BROX: variants seen among roughly 807,000 people sequenced by gnomAD.
BROX encodes BRO1 domain and CAAX motif containing, also known as BRO1 domain-containing protein BROX.
In BROX, 53 loss-of-function variants were observed where a neutral mutation model predicts 61.0. The observed-to-expected ratio is 0.87, with a 90% confidence interval of 0.70 to 1.09. The LOEUF is 1.09. BROX is among the 50% of genes least tolerant of loss of function. The pLI is 0.00. For missense variants in BROX, 489 were observed against 472.0 expected (o/e 1.04, Z -0.33); for synonymous variants, 152 against 160.2 (o/e 0.95, Z 0.38).
At chr1:222,728,648 C>A in intron 8 of BROX, 95 bp from the exon 9 acceptor site, 4 of 689,118 alleles carry the variant, frequency 5.8e-6, no homozygotes, top group Admixed American at 5.5e-5. Context: ...ACTTGAATGG[C>A]ATTCTTTCTG....
At chr1:222,722,938 T>C (rs1305979576) in intron 5 of BROX, among the ~76,000 whole-genome samples, 1 of 152,146 alleles carries the variant, frequency 6.6e-6, no homozygotes, top group Non-Finnish European at 1.5e-5. Context: ...AACAGGCAAT[T>C]CACAGAAAAC....
In BROX at chr1:222,726,239, G is replaced by C. The variant is rs1207724996; in HGVS notation, c.580+684G>C. Among the ~76,000 whole-genome samples, 5 of 152,248 alleles carry C rather than the reference G, an allele frequency of 3.3e-5. No homozygotes were observed. In the East Asian group the frequency reaches 7.7e-4, roughly 24 times the overall value. ...CGTGAAACAATTAAGAAACTTTGTA[G>C]GCTTTCGTTTTTCTTTATTTCAAAC... On this transcript the variant is annotated intron_variant, in intron 7 of 12. Coordinates refer to ENST00000340934, the MANE Select transcript of BROX (RefSeq NM_144695.4).
intron 8 of BROX, among the ~76,000 whole-genome samples, chr1:222,728,386 T>A (rs1657671959): frequency 4.6e-5 from 7 of 152,144 alleles, no homozygotes; most frequent in Admixed American, 4.6e-4. Flanking sequence ...CTGATTTGAG[T>A]GACTAGACTA....
intron 4 of BROX, 31 bp downstream of exon 4, chr1:222,719,390 A>T: frequency 1.3e-6 from 2 of 1,500,580 alleles, no homozygotes; most frequent in Non-Finnish European, 1.9e-6. Flanking sequence ...ACTAAATTGG[A>T]GCCAGTTTTT....
chr1:222,713,908 C>T (rs1656306884), intron 1 of BROX: 2 of 152,178 alleles, frequency 1.3e-5, no homozygotes, highest in South Asian at 2.1e-4. Flanking sequence ...GTTGGGTACA[C>T]ACTGTATTCT....
rs367726389 is a variant in BROX, at chr1:222,729,613, T to C, written c.757-7T>C. On this transcript the variant is annotated splice_region_variant and splice_polypyrimidine_tract_variant and intron_variant, in intron 9 of 12. Coordinates refer to ENST00000340934, the MANE Select transcript of BROX (RefSeq NM_144695.4). ...AGAATGAATAAAAAATTTGTTTATT[T>C]CATCAGGCTTACTGTTACCATGGTG... 3.1e-6 allele frequency: 5 copies of C among 1,607,500 alleles called. No individual in the cohort carries two copies. Among genetic ancestry groups the C allele is most frequent in the Non-Finnish European group, 4.3e-6 (5 of 1,175,220 alleles).
chr1:222,725,007 C>T (rs1267796590), intron 6 of BROX, among the ~76,000 whole-genome samples: 1 of 152,074 alleles, frequency 6.6e-6, no homozygotes, highest in Non-Finnish European at 1.5e-5. Flanking sequence ...GTTTGCCAGG[C>T]TGGTCTCAAA....
intron 2 of BROX, among the ~76,000 whole-genome samples, chr1:222,716,463 T>C (rs1033494188): frequency 6.6e-6 from 1 of 152,244 alleles, no homozygotes; most frequent in Non-Finnish European, 1.5e-5. Context: ...GAGAGATCCC[T>C]GTGACCTGAA....
In BROX at chr1:222,712,854, C is replaced by T. The variant is rs1328913666; in HGVS notation, c.-105C>T. On this transcript the variant is annotated 5_prime_UTR_variant, in exon 1 of 13. Transcript: ENST00000340934. Reference sequence around the variant, plus strand: ...TCACCCTGGTTCTGTAGTCTCGGTTCTCCGACTCCCTCTTTTTCTCGCTTG... The same window carrying T: ...TCACCCTGGTTCTGTAGTCTCGGTTTTCCGACTCCCTCTTTTTCTCGCTTG... 4 of 1,275,686 alleles carry T rather than the reference C, an allele frequency of 3.1e-6. No homozygotes were observed. Among genetic ancestry groups the T allele is most frequent in the African/African-American group, 1.5e-5 (1 of 65,340 alleles). The allele number at this position is 1,275,686 out of a possible 1,614,324, so 79.0% of individuals were successfully genotyped here. A position where few individuals can be genotyped will look rare whatever the true frequency, so the allele number is the denominator to read the frequency against.
chr1:222,714,354 C>T (rs1386741057), intron 1 of BROX, among the ~76,000 whole-genome samples: 3 of 151,788 alleles, frequency 2.0e-5, no homozygotes, highest in African/African-American at 7.3e-5. Context: ...AGGCGACCGC[C>T]ACCATGCCCG....
In BROX at chr1:222,734,579, A is replaced by G. The variant is rs1658166322; in HGVS notation, c.*1865A>G. ...TGCAGTTTCCAGAATAAGTGGAGTAATAACTAAACAGACATTTAATTTTAT... is the reference window on the plus strand; with the variant it reads ...TGCAGTTTCCAGAATAAGTGGAGTAGTAACTAAACAGACATTTAATTTTAT... On this transcript the variant is annotated 3_prime_UTR_variant, in exon 13 of 13. Transcript: ENST00000340934. 1 of 152,242 alleles carries G rather than the reference A, an allele frequency of 6.6e-6. No homozygotes were observed. The highest frequency in any genetic ancestry group is 2.4e-5 in the African/African-American group (1 of 41,466). The allele number at this position is 152,242 out of a possible 1,614,324, so 9.4% of individuals were successfully genotyped here.
intron 1 of BROX, among the ~76,000 whole-genome samples, chr1:222,714,913 C>T (rs1656465817): frequency 6.6e-6 from 1 of 152,154 alleles, no homozygotes; most frequent in South Asian, 2.1e-4. Flanking sequence ...ATTTATTGAT[C>T]AAGTATTGTA....
rs1185373580 is a variant in BROX at position 222,733,293 on chromosome 1, C to T, written c.*579C>T. 3 of 152,370 alleles carry T rather than the reference C, an allele frequency of 2.0e-5. No homozygotes were observed. The highest frequency in any genetic ancestry group is 6.6e-5 in the Admixed American group (1 of 15,250). The allele number at this position is 152,370 out of a possible 1,614,324, so 9.4% of individuals were successfully genotyped here. On this transcript the variant is annotated 3_prime_UTR_variant, in exon 13 of 13. Coordinates refer to ENST00000340934, the MANE Select transcript of BROX (RefSeq NM_144695.4). ...ACGTGATTTCACCATGTTGGCCAGG[C>T]TGGTCTCGAACTCCTGACCTCAGCT...
chr1:222,724,350 A>G (rs547943545), intron 6 of BROX, among the ~76,000 whole-genome samples, 186 bp downstream of exon 6: 3 of 152,262 alleles, frequency 2.0e-5, no homozygotes, highest in Admixed American at 6.5e-5. Context: ...AAATGTCTCC[A>G]TTTTTGTTTT....
At chr1:222,721,239 A>G (rs1238916599) in intron 4 of BROX, among the ~76,000 whole-genome samples, 1 of 152,170 alleles carries the variant, frequency 6.6e-6, no homozygotes, top group East Asian at 1.9e-4. Flanking sequence ...AAGCTATTAA[A>G]CTATGTATTA....
At chr1:222,730,328 G>T in intron 11 of BROX, 151 bp downstream of exon 11, 1 of 478,836 alleles carries the variant, frequency 2.1e-6, no homozygotes, top group South Asian at 5.4e-5. Context: ...AGGCGTGGTG[G>T]CTCACAACTG....
In BROX at chr1:222,712,569, G is replaced by A. The variant is rs1302142831; in HGVS notation, c.-390G>A. 53 of 1,375,648 alleles carry A rather than the reference G, an allele frequency of 3.9e-5. 2 individuals are homozygous for A. Among genetic ancestry groups the A allele is most frequent in the Middle Eastern group, 4.7e-4 (2 of 4,274 alleles). 85.2% of individuals were successfully genotyped at this position (1,375,648 alleles called of 1,614,324 possible). On this transcript the variant is annotated 5_prime_UTR_variant, in exon 1 of 13. Coordinates refer to ENST00000340934, the MANE Select transcript of BROX (RefSeq NM_144695.4). ...GGTTAGGTTGAGGCCGCCCCACTGC[G>A]CCGAGGGCCGCCATCGCTATTGCGG...
intron 6 of BROX, among the ~76,000 whole-genome samples, 196 bp downstream of exon 6, chr1:222,724,360 T>C (rs1657341944): frequency 6.6e-6 from 1 of 152,232 alleles, no homozygotes; most frequent in African/African-American, 2.4e-5. Context: ...ATTTTTGTTT[T>C]AAAATCACCA....
At chr1:222,714,045 T>A (rs1398942338) in intron 1 of BROX, 1 of 152,148 alleles carries the variant, frequency 6.6e-6, no homozygotes, top group Non-Finnish European at 1.5e-5. Context: ...CTAGGAAAAG[T>A]CGATTGTCAG....
Sources: gnomAD v4.1 joint callset for allele counts (sites outside exome capture counted in the v4.1 genomes callset) on GRCh38, gnomAD v4.1.1 for gene constraint, MANE v1.5 for transcripts, NCBI Gene and HGNC (gene_info 2026-07-23, HGNC 2026-07-21) for gene names.